Variants in THSD4 observed in about 807,000 individuals in gnomAD.
The protein encoded by THSD4 is thrombospondin type-1 domain-containing protein 4.
In THSD4, 69 loss-of-function variants were observed where a neutral mutation model predicts 119.0. The ratio of observed to expected loss-of-function variants is 0.58; its 90% CI spans 0.48 to 0.71. The LOEUF is 0.71. THSD4 is among the 30% of genes least tolerant of loss of function. THSD4 has a pLI of 0.00. For synonymous variants in THSD4, 524 were observed against 540.4 expected, an observed-to-expected ratio of 0.97 and a Z score of 0.42; for missense variants, 1,393 against 1,391.1, an observed-to-expected ratio of 1.00 and a Z score of -0.02.
chr15:71,606,285 TA>T (rs1469117635), intron 7 of THSD4, among the ~76,000 whole-genome samples: 2 of 152,256 alleles, frequency 1.3e-5, no homozygotes, highest in African/African-American at 4.8e-5. Context: ...TCTTCTAAAC[TA>T]CTTTGTGCAG....
At chr15:71,632,431 T>A (rs1402164725) in intron 7 of THSD4, among the ~76,000 whole-genome samples, 1 of 152,216 alleles carries the variant, frequency 6.6e-6, no homozygotes, top group Non-Finnish European at 1.5e-5. Context: ...TTCCAGGGAT[T>A]GTTTGCAACC....
chr15:71,341,119 T>A (rs1358709803), intron 6 of THSD4: 2 of 1,336,754 alleles, frequency 1.5e-6, no homozygotes, highest in Non-Finnish European at 2.1e-6. Context: ...TCTCTCCCTT[T>A]TTTTTTTCCT....
At chr15:71,450,791 T>C (rs1210554204) in intron 7 of THSD4, among the ~76,000 whole-genome samples, 1 of 152,158 alleles carries the variant, frequency 6.6e-6, no homozygotes, top group Non-Finnish European at 1.5e-5. Flanking sequence ...CATTTAATTA[T>C]ATAAGTACAC....
intron 6 of THSD4, among the ~76,000 whole-genome samples, chr15:71,311,688 A>G (rs906855130): frequency 2.0e-5 from 3 of 152,164 alleles, no homozygotes; most frequent in South Asian, 2.1e-4. Flanking sequence ...CTTGTGTATC[A>G]TATAATAAAA....
intron 6 of THSD4, among the ~76,000 whole-genome samples, chr15:71,261,835 G>A (rs1374176455): frequency 6.6e-6 from 1 of 152,170 alleles, no homozygotes; most frequent in African/African-American, 2.4e-5. Context: ...CTTTTAAAAT[G>A]GTCACTGACA....
At chr15:71,181,833 C>T (rs1470871858) in intron 3 of THSD4, among the ~76,000 whole-genome samples, 1 of 152,220 alleles carries the variant, frequency 6.6e-6, no homozygotes, top group Middle Eastern at 3.2e-3. Context: ...TGCCTGACTC[C>T]TGTTGTTAAC....
chr15:71,282,889 C>G (rs1245021156), intron 6 of THSD4, among the ~76,000 whole-genome samples: 1 of 152,016 alleles, frequency 6.6e-6, no homozygotes, highest in Non-Finnish European at 1.5e-5. Flanking sequence ...TACTTACAAA[C>G]ATGCACATAA....
chr15:71,632,743 T>A lies in THSD4; in HGVS notation c.1153-27787T>A, dbSNP rs185557099. Reference sequence around the variant, plus strand: ...CTGTAAGTGATTTGGAAACATTGCCTGGTCCTGATTAACTTCTTTTCTGCA... The same window carrying A: ...CTGTAAGTGATTTGGAAACATTGCCAGGTCCTGATTAACTTCTTTTCTGCA... On this transcript the variant is annotated intron_variant, in intron 7 of 17. Coordinates refer to ENST00000261862, the MANE Select transcript of THSD4 (RefSeq NM_024817.3). Among the ~76,000 whole-genome samples, 614 of 152,374 alleles carry A rather than the reference T, an allele frequency of 4.0e-3. 5 individuals carry two copies. Among genetic ancestry groups the A allele is most frequent in the African/African-American group, 0.014 (599 of 41,592 alleles).
chr15:71,762,575 C>A (rs1290994824), intron 15 of THSD4, among the ~76,000 whole-genome samples: 2 of 152,178 alleles, frequency 1.3e-5, no homozygotes, highest in African/African-American at 4.8e-5. Context: ...TAGTGTTCCA[C>A]CCCTGCCGCC....
At chr15:71,707,210 A>G (rs537689990) in intron 8 of THSD4, among the ~76,000 whole-genome samples, 2 of 152,300 alleles carry the variant, frequency 1.3e-5, no homozygotes, top group East Asian at 3.9e-4. Context: ...TAAGGGTCAA[A>G]AAGGCATCAA....
At chr15:71,132,950 C>T (rs1163405633) in intron 1 of THSD4, among the ~76,000 whole-genome samples, 1 of 152,210 alleles carries the variant, frequency 6.6e-6, no homozygotes, top group Non-Finnish European at 1.5e-5. Flanking sequence ...CCCCTGGCCA[C>T]CTGCTTTTGG....
chr15:71,335,583 G>A (rs2045479764), intron 6 of THSD4, among the ~76,000 whole-genome samples: 1 of 152,074 alleles, frequency 6.6e-6, no homozygotes, highest in African/African-American at 2.4e-5. Context: ...GTCTGTCACG[G>A]GTGCGAGAGA....
intron 7 of THSD4, among the ~76,000 whole-genome samples, chr15:71,482,379 C>T (rs2047745549): frequency 1.3e-5 from 2 of 151,576 alleles, no homozygotes; most frequent in Non-Finnish European, 1.5e-5. Context: ...CAAGCTCCGC[C>T]TCCTGGGTTC....
chr15:71,371,217 C>G (rs528718713), intron 6 of THSD4, among the ~76,000 whole-genome samples: 4 of 152,274 alleles, frequency 2.6e-5, no homozygotes, highest in Admixed American at 2.0e-4. Flanking sequence ...ACTGATGGGT[C>G]TTGACTCTTT....
At chr15:71,566,807 A>G (rs1210722988) in intron 7 of THSD4, among the ~76,000 whole-genome samples, 1 of 147,058 alleles carries the variant, frequency 6.8e-6, no homozygotes, top group Non-Finnish European at 1.5e-5. Context: ...ATCTCCAGAC[A>G]TTGGCATTTC....
At chr15:71,430,413 C>G (rs1198808234) in intron 7 of THSD4, among the ~76,000 whole-genome samples, 1 of 152,104 alleles carries the variant, frequency 6.6e-6, no homozygotes, top group African/African-American at 2.4e-5. Context: ...AGGCACTTTT[C>G]AAGTTGGCTT....
chr15:71,174,609 G>T (rs1232712045), intron 3 of THSD4, among the ~76,000 whole-genome samples: 40 of 53,352 alleles, frequency 7.5e-4, no homozygotes, highest in African/African-American at 1.5e-3. Context: ...AAAGCAGCCC[G>T]GAAGCTCGAA....
At chr15:71,655,631 C>G (rs2140987808) in intron 7 of THSD4, among the ~76,000 whole-genome samples, 1 of 152,140 alleles carries the variant, frequency 6.6e-6, no homozygotes, top group South Asian at 2.1e-4. Context: ...GGTAGCTGCT[C>G]CATCCCCATC....
intron 8 of THSD4, among the ~76,000 whole-genome samples, chr15:71,720,544 A>G (rs2052703312): frequency 6.6e-6 from 1 of 152,252 alleles, no homozygotes. Flanking sequence ...TACCACATTC[A>G]TAATAAAACG....
Sources: gnomAD v4.1 joint callset for allele counts (sites outside exome capture counted in the v4.1 genomes callset) on GRCh38, gnomAD v4.1.1 for gene constraint, MANE v1.5 for transcripts, NCBI Gene and HGNC (gene_info 2026-07-23, HGNC 2026-07-21) for gene names.